Variants in SEPTIN11 observed in about 807,000 individuals in gnomAD.
SEPTIN11 encodes septin 11.
A neutral mutation model predicts 51.4 loss-of-function variants in SEPTIN11; 25 were observed. That is an observed-to-expected ratio of 0.49 (90% CI 0.35 to 0.68). The LOEUF (loss-of-function observed/expected upper bound fraction) is 0.68, where lower values mean the gene tolerates loss of function less well. Ranked by LOEUF, SEPTIN11 falls within the 30% of genes least tolerant of loss-of-function variation. The pLI is 0.00. For missense variants in SEPTIN11, 381 were observed against 520.8 expected, an observed-to-expected ratio of 0.73 and a Z score of 2.61; for synonymous variants, 174 against 184.1, an observed-to-expected ratio of 0.95 and a Z score of 0.44.
chr4:76,953,408 A>T (rs1721427111), intron 1 of SEPTIN11, among the ~76,000 whole-genome samples: 1 of 152,222 alleles, frequency 6.6e-6, no homozygotes, highest in African/African-American at 2.4e-5. Context: ...CAGGTGAAGG[A>T]TCATATCTGT....
rs569521064 is a variant in SEPTIN11 at position 77,024,131 on chromosome 4, A to G, written c.953+3461A>G. 4.6e-5 allele frequency among the ~76,000 whole-genome samples: 7 copies of G among 152,254 alleles called. No individual in the cohort carries two copies. The highest frequency in any genetic ancestry group is 1.4e-4 in the African/African-American group (6 of 41,562). ...GGCAGTGCCACTGTGTATGTTACAC[A>G]GTGTGAGGCAAAAGGAGGAGTAGCG... On this transcript the variant is annotated intron_variant, in intron 7 of 9. Transcript: ENST00000264893. The surrounding 1 kb of genome is among the most constrained non-coding windows in gnomAD (Gnocchi z 4.2).
At chr4:76,972,979 G>A (rs1722312033) in intron 1 of SEPTIN11, 1 of 152,132 alleles carries the variant, frequency 6.6e-6, no homozygotes, top group Non-Finnish European at 1.5e-5. Context: ...AATGGTGCCA[G>A]GATTGAAGTC....
At chr4:76,994,781 T>C (rs56397802) in intron 1 of SEPTIN11, among the ~76,000 whole-genome samples, 78,744 of 151,340 alleles carry the variant, frequency 0.52, 21,345 homozygotes, top group Middle Eastern at 0.62. Flanking sequence ...CACAAACATT[T>C]GAAATGGGGT....
chr4:76,964,418 C>T (rs1721951885), intron 1 of SEPTIN11, among the ~76,000 whole-genome samples: 1 of 151,764 alleles, frequency 6.6e-6, no homozygotes. Flanking sequence ...TCCCTCACCT[C>T]TCCCCAAATT....
Position 76,984,718 on chromosome 4 carries a change from A to G in SEPTIN11, c.28-11707A>G, listed in dbSNP as rs1348536322. Among the ~76,000 whole-genome samples, 1 of 152,198 alleles carries G rather than the reference A, an allele frequency of 6.6e-6. No individual in the cohort carries two copies. The highest frequency in any genetic ancestry group is 1.5e-5 in the Non-Finnish European group (1 of 68,044). On this transcript the variant is annotated intron_variant, in intron 1 of 9. Transcript: ENST00000264893. This position sits in a 1 kb window ranked among gnomAD's most constrained non-coding sequence, Gnocchi z 4.1. ...TTCCATAGGATAAAGACAGGGCAGG[A>G]GGGACAAAAATGACCCAAATAAACA...
chr4:76,957,999 T>C (rs1721637940), intron 1 of SEPTIN11, among the ~76,000 whole-genome samples: 1 of 152,210 alleles, frequency 6.6e-6, no homozygotes, highest in African/African-American at 2.4e-5. Flanking sequence ...CACTAGCCCT[T>C]GACCACATTC....
chr4:77,016,633 CATATAT>C lies in SEPTIN11; in HGVS notation c.687+1634_687+1639del, dbSNP rs1234653472. ...ATATACACATATATATATATATACA[CATATAT>C]ATATATATATATATATACACATATA... is the stretch of plus-strand genomic sequence containing the variant. On this transcript the variant is annotated intron_variant, in intron 5 of 9. Coordinates refer to ENST00000264893, the MANE Select transcript of SEPTIN11 (RefSeq NM_018243.4). Among the ~76,000 whole-genome samples, 206 of 72,652 alleles carry C rather than the reference CATATAT, an allele frequency of 2.8e-3. 6 individuals carry two copies. The highest frequency in any genetic ancestry group is 5.4e-3 in the African/African-American group (103 of 19,064). 47.7% of individuals were successfully genotyped at this position (72,652 alleles called of 152,430 possible).
chr4:76,981,760 A>G (rs1166993705), intron 1 of SEPTIN11, among the ~76,000 whole-genome samples: 12 of 139,336 alleles, frequency 8.6e-5, no homozygotes, highest in Admixed American at 8.0e-4. Context: ...TTTTTTTTTC[A>G]TGCTCTGCAG....
rs1018904139 is a variant in SEPTIN11, at chr4:76,984,607, G to T, written c.28-11818G>T. Among the ~76,000 whole-genome samples the T allele has an allele frequency of 1.3e-5, 2 of 152,174 alleles. No homozygotes were observed. The highest frequency in any genetic ancestry group is 2.9e-5 in the Non-Finnish European group (2 of 68,032). On this transcript the variant is annotated intron_variant, in intron 1 of 9. Transcript: ENST00000264893. The surrounding 1 kb of genome is among the most constrained non-coding windows in gnomAD (Gnocchi z 4.1). ...AGATGTGTGAATATGAGTAGCACAGGACATAAAAAGTTGAGGAAAAAACTT... is the reference window on the plus strand; with the variant it reads ...AGATGTGTGAATATGAGTAGCACAGTACATAAAAAGTTGAGGAAAAAACTT...
At chr4:76,967,529 CAT>C (rs1166127592) in intron 1 of SEPTIN11, among the ~76,000 whole-genome samples, 1 of 152,122 alleles carries the variant, frequency 6.6e-6, no homozygotes, top group Non-Finnish European at 1.5e-5. Context: ...CTGATGGTGC[CAT>C]AGTCTTCAGT....
chr4:77,006,410 C>A (rs1196261711), intron 3 of SEPTIN11, among the ~76,000 whole-genome samples: 1 of 152,132 alleles, frequency 6.6e-6, no homozygotes, highest in Admixed American at 6.6e-5. Context: ...TGGCATACAA[C>A]CCATGTTAGT....
At chr4:76,952,912 A>G (rs1015091726) in intron 1 of SEPTIN11, among the ~76,000 whole-genome samples, 2 of 152,110 alleles carry the variant, frequency 1.3e-5, no homozygotes, top group African/African-American at 4.8e-5. Context: ...ATGGCAATTT[A>G]CTCTACTTGG....
intron 6 of SEPTIN11, 141 bp from the exon 7 acceptor site, chr4:77,020,361 A>G (rs1725614194): frequency 5.1e-6 from 5 of 978,850 alleles, no homozygotes; most frequent in African/African-American, 4.9e-5. Context: ...TGTAAGGTGA[A>G]TCCAGTAAAG....
Position 77,019,335 on chromosome 4 carries a change from G to A in SEPTIN11, c.784+74G>A, listed in dbSNP as rs1000458885. 57 of 1,319,136 alleles carry A rather than the reference G, an allele frequency of 4.3e-5. No individual in the cohort carries two copies. In the Middle Eastern group the frequency reaches 5.7e-4, roughly 13 times the overall value. The allele number at this position is 1,319,136 out of a possible 1,614,324, so 81.7% of individuals were successfully genotyped here. A position where few individuals can be genotyped will look rare whatever the true frequency, so the allele number is the denominator to read the frequency against. ...GAATGGCCGTGTTTGTTCATTTTCC[G>A]TCTTGTTTAGGGAGGCCCTCAACAG... is the stretch of plus-strand genomic sequence containing the variant. On this transcript the variant is annotated intron_variant, in intron 6 of 9. Coordinates refer to ENST00000264893, the MANE Select transcript of SEPTIN11 (RefSeq NM_018243.4).
At chr4:76,988,879 C>G (rs1260060509) in intron 1 of SEPTIN11, among the ~76,000 whole-genome samples, 2 of 152,178 alleles carry the variant, frequency 1.3e-5, no homozygotes, top group East Asian at 3.8e-4. Context: ...ACACAGATTT[C>G]CATTTGGTTT....
rs1725515079 is a variant in SEPTIN11 at position 77,019,145 on chromosome 4, T to C, written c.688-20T>C. ...TCAGAGCAGGGGAAAGTAACTATTC[T>C]CTGTCCTTTTGCTTGGCAGGTCCAT... On this transcript the variant is annotated intron_variant, in intron 5 of 9. Coordinates refer to ENST00000264893, the MANE Select transcript of SEPTIN11 (RefSeq NM_018243.4). 1 of 1,606,332 alleles carries C rather than the reference T, an allele frequency of 6.2e-7. No homozygotes were observed. Among genetic ancestry groups the C allele is most frequent in the Non-Finnish European group, 8.5e-7 (1 of 1,176,056 alleles).
At chr4:77,006,698 T>A (rs1483638495) in intron 3 of SEPTIN11, among the ~76,000 whole-genome samples, 1 of 152,188 alleles carries the variant, frequency 6.6e-6, no homozygotes, top group Non-Finnish European at 1.5e-5. Flanking sequence ...TAGGGTGTGT[T>A]TGCTTACAGC....
Position 77,037,785 on chromosome 4 carries a change from G to A in SEPTIN11, c.*3273G>A. On this transcript the variant is annotated 3_prime_UTR_variant, in exon 10 of 10. Transcript: ENST00000264893. ...TTCAGATTGTGTTTTCCCAACTTAG[G>A]CTCTTTATTAATTGGTTAAGGTTTT... 1.0e-6 allele frequency: 1 copy of A among 985,822 alleles called. No individual in the cohort carries two copies. The highest frequency in any genetic ancestry group is 1.7e-5 in the African/African-American group (1 of 57,330). The allele number at this position is 985,822 out of a possible 1,614,324, so 61.1% of individuals were successfully genotyped here.
intron 3 of SEPTIN11, among the ~76,000 whole-genome samples, chr4:77,006,170 A>G (rs1219009816): frequency 6.6e-6 from 1 of 152,100 alleles, no homozygotes; most frequent in Non-Finnish European, 1.5e-5. Context: ...CCAGCCATCA[A>G]TCACTTCATA....
Sources: allele counts gnomAD v4.1 joint callset (sites outside exome capture counted in the v4.1 genomes callset), GRCh38; gene constraint gnomAD v4.1.1; non-coding constraint Gnocchi (gnomAD v3.1); transcripts MANE v1.5; gene names NCBI Gene and HGNC (gene_info 2026-07-23, HGNC 2026-07-21).